The following EPS8 variants were observed in gnomAD, a reference collection of about 807,000 sequenced individuals.
EPS8 encodes the protein epidermal growth factor receptor kinase substrate 8.
A neutral mutation model predicts 103.8 loss-of-function variants in EPS8; 42 were observed. The observed-to-expected ratio is 0.40, with a 90% CI of 0.32 to 0.52. The LOEUF (loss-of-function observed/expected upper bound fraction) is 0.52. Ranked by LOEUF, EPS8 falls within the 20% of genes least tolerant of loss-of-function variation. The pLI, the probability that EPS8 is intolerant of heterozygous loss-of-function variation, is 0.40. For synonymous variants in EPS8, 344 were observed against 344.6 expected, an observed-to-expected ratio of 1.00 and a Z score of 0.02; for missense variants, 969 against 1,005.1, an observed-to-expected ratio of 0.96 and a Z score of 0.49.
Position 15,759,459 on chromosome 12 carries a change from C to T in EPS8, c.-22+29702G>A. The stretch of plus-strand genomic sequence containing the variant: ...AGATACTAGCACTGACAAATTAAAC[C>T]TTTATACACTAAAAAGTCTTCAGTC... On this transcript the variant is annotated intron_variant, in intron 1 of 20. Transcript: ENST00000281172. This position sits in a 1 kb window ranked among gnomAD's most constrained non-coding sequence, Gnocchi z 4.9. Among the ~76,000 whole-genome samples, 1 of 152,024 alleles carries T rather than the reference C, an allele frequency of 6.6e-6. No homozygotes were observed. The highest frequency in any genetic ancestry group is 2.1e-4 in the South Asian group (1 of 4,830).
rs527356078 is a variant in EPS8 at position 15,777,788 on chromosome 12, G to C, written c.-22+11373C>G. Among the ~76,000 whole-genome samples, 186 of 152,172 alleles carry C rather than the reference G, an allele frequency of 1.2e-3. No homozygotes were observed. Among genetic ancestry groups the C allele is most frequent in the Non-Finnish European group, 2.2e-3 (151 of 68,022 alleles). Reference sequence around the variant, plus strand: ...GGGAGGAGGAAAAGAGTTGGGAAAGGGGGTGATGAAGGAAAGCCCACATGG... The same window carrying C: ...GGGAGGAGGAAAAGAGTTGGGAAAGCGGGTGATGAAGGAAAGCCCACATGG... On this transcript the variant is annotated intron_variant, in intron 1 of 20. Coordinates refer to ENST00000281172, the MANE Select transcript of EPS8 (RefSeq NM_004447.6). This position sits in a 1 kb window ranked among gnomAD's most constrained non-coding sequence, Gnocchi z 4.7.
Position 15,736,128 on chromosome 12 carries a change from C to G in EPS8, c.-22+53033G>C, listed in dbSNP as rs536143458. Among the ~76,000 whole-genome samples the G allele has an allele frequency of 1.3e-5, 2 of 152,320 alleles. No individual in the cohort carries two copies. The highest frequency in any genetic ancestry group is 4.1e-4 in the South Asian group (2 of 4,830). ...TCTCAAACTCCTGAGCTCAAGCAAT[C>G]CTCCTGCCTCAGCCTGCTAAAGTGC... On this transcript the variant is annotated intron_variant, in intron 1 of 20. Coordinates refer to ENST00000281172, the MANE Select transcript of EPS8 (RefSeq NM_004447.6). This position sits in a 1 kb window ranked among gnomAD's most constrained non-coding sequence, Gnocchi z 4.2.
In EPS8 at chr12:15,651,021, G is replaced by A. The variant is rs1451401147; in HGVS notation, c.1251-15C>T. On this transcript the variant is annotated splice_polypyrimidine_tract_variant and intron_variant, in intron 13 of 20. Coordinates refer to ENST00000281172, the MANE Select transcript of EPS8 (RefSeq NM_004447.6). ...GCCACTCTGCTCTGCAGGAGGGAAT[G>A]AAGGCATATAAACAATAAAATCTAG... The A allele has an allele frequency of 6.2e-7, 1 of 1,606,020 alleles. No homozygotes were observed. The highest frequency in any genetic ancestry group is 1.1e-5 in the South Asian group (1 of 89,788).
At chr12:15,742,219 G>T (rs1036146706) in intron 1 of EPS8, among the ~76,000 whole-genome samples, 17 of 152,158 alleles carry the variant, frequency 1.1e-4, no homozygotes, top group Non-Finnish European at 2.4e-4. Context: ...AATCCTTTGG[G>T]TACATACCCA....
rs149392794 is a variant in EPS8, at chr12:15,666,461, T to A, written c.578A>T (p.Lys193Met). The part of the protein sequence containing the change: ...AISDSKGGKQ[K>M]RRPDALRMIS... ...TTACCTCAGGGCGTCGGGCCGCCTCTTCTGTTTCCCTCCTTTACTGTCACT... is the reference window on the plus strand; with the variant it reads ...TTACCTCAGGGCGTCGGGCCGCCTCATCTGTTTCCCTCCTTTACTGTCACT... The change falls in exon 7 of 21, where the codon AAG becomes ATG. Residue 193 changes from lysine (K) to methionine (M), a missense_variant. Coordinates refer to ENST00000281172, the MANE Select transcript of EPS8 (RefSeq NM_004447.6). 6.8e-6 allele frequency: 11 copies of A among 1,613,792 alleles called. No homozygotes were observed. Among genetic ancestry groups the A allele is most frequent in the African/African-American group, 4.0e-5 (3 of 74,950 alleles).
chr12:15,634,124 TGACTAACTGTTCTTGGTTGGCCTGA>T (rs1364196832), intron 17 of EPS8, among the ~76,000 whole-genome samples: 2 of 152,212 alleles, frequency 1.3e-5, no homozygotes, highest in Non-Finnish European at 2.9e-5. Flanking sequence ...AAAGAAATTC[TGACTAACTGTTCTTGGTTGGCCTGA>T]GACTTTCCCA....
intron 10 of EPS8, 123 bp from the exon 11 acceptor site, chr12:15,658,708 A>C (rs1945551240): frequency 8.8e-6 from 6 of 685,044 alleles, no homozygotes; most frequent in Non-Finnish European, 1.3e-5. Flanking sequence ...CTACCTAGTT[A>C]CCGTGCTACA....
intron 1 of EPS8, among the ~76,000 whole-genome samples, chr12:15,715,394 C>CTTTTTTTTTTTTTTTTTTTTTCTT (rs3086457): frequency 7.9e-6 from 1 of 127,184 alleles, no homozygotes; most frequent in Non-Finnish European, 1.6e-5. Flanking sequence ...CTTTACTTTT[C>CTTTTTTTTTTTTTTTTTTTTTCTT]TTTTTTTTTT....
intron 1 of EPS8, among the ~76,000 whole-genome samples, chr12:15,686,598 T>G (rs1946099289): frequency 6.6e-6 from 1 of 151,958 alleles, no homozygotes; most frequent in Non-Finnish European, 1.5e-5. Context: ...CACACTATAA[T>G]TTTCAAAAAG....
At chr12:15,651,151 C>T in intron 13 of EPS8, 145 bp from the exon 14 acceptor site, 1 of 568,192 alleles carries the variant, frequency 1.8e-6, no homozygotes, top group Non-Finnish European at 3.0e-6. Context: ...AATCTGTCTT[C>T]CATCCACCCA....
chr12:15,699,082 G>A (rs1946278848), intron 1 of EPS8, among the ~76,000 whole-genome samples: 2 of 152,140 alleles, frequency 1.3e-5, no homozygotes, highest in Non-Finnish European at 2.9e-5. Context: ...AAACCTTACA[G>A]AAAACTGCTC....
intron 1 of EPS8, among the ~76,000 whole-genome samples, chr12:15,774,283 A>G (rs549190499): frequency 1.3e-3 from 205 of 152,116 alleles, no homozygotes; most frequent in Middle Eastern, 3.4e-3. Flanking sequence ...CAGATTTGAT[A>G]AAACTGCAGA....
rs573360143 is a variant in EPS8, at chr12:15,728,522, C to A, written c.-21-45550G>T. On this transcript the variant is annotated intron_variant, in intron 1 of 20. Coordinates refer to ENST00000281172, the MANE Select transcript of EPS8 (RefSeq NM_004447.6). This position sits in a 1 kb window ranked among gnomAD's most constrained non-coding sequence, Gnocchi z 4.5. ...AGCAACAATAATAAGGAACACTCTC[C>A]CGGGTGCTGAGTCATTAATAGAATT... is the stretch of plus-strand genomic sequence containing the variant. 6.6e-6 allele frequency among the ~76,000 whole-genome samples: 1 copy of A among 152,142 alleles called. No homozygotes were observed. The highest frequency in any genetic ancestry group is 2.4e-5 in the African/African-American group (1 of 41,422).
chr12:15,712,231 A>G (rs1285607857), intron 1 of EPS8, among the ~76,000 whole-genome samples: 4 of 152,146 alleles, frequency 2.6e-5, no homozygotes, highest in Admixed American at 2.0e-4. Context: ...CCATTAATAT[A>G]CATGGGCTTT....
intron 17 of EPS8, among the ~76,000 whole-genome samples, chr12:15,640,413 C>T (rs1412821458): frequency 6.6e-6 from 1 of 152,072 alleles, no homozygotes; most frequent in Non-Finnish European, 1.5e-5. Context: ...GACAGAAATA[C>T]CATTTCTTCA....
At chr12:15,729,036 G>C (rs1022831367) in intron 1 of EPS8, among the ~76,000 whole-genome samples, 2 of 152,040 alleles carry the variant, frequency 1.3e-5, no homozygotes, top group Non-Finnish European at 2.9e-5. Context: ...AGTGATTTTT[G>C]TTTCTGTTTT....
At chr12:15,689,811 C>A (rs1946147784) in intron 1 of EPS8, among the ~76,000 whole-genome samples, 2 of 152,116 alleles carry the variant, frequency 1.3e-5, no homozygotes, top group South Asian at 4.1e-4. Flanking sequence ...TATACGCAGA[C>A]TCTAAAAAAG....
chr12:15,620,639 T>C lies in EPS8; in HGVS notation c.*678A>G, dbSNP rs1383108336. ...CTTTCTCATATATAAGAACACAGTA[T>C]ACATAATAAGCAGAATATAAACTAA... On this transcript the variant is annotated 3_prime_UTR_variant, in exon 21 of 21. Transcript: ENST00000281172. 6.6e-6 allele frequency: 1 copy of C among 152,630 alleles called. No individual in the cohort carries two copies. The highest frequency in any genetic ancestry group is 1.5e-5 in the Non-Finnish European group (1 of 68,046). 9.5% of individuals were successfully genotyped at this position (152,630 alleles called of 1,614,324 possible).
At chr12:15,765,348 C>T (rs1947082448) in intron 1 of EPS8, among the ~76,000 whole-genome samples, 1 of 152,052 alleles carries the variant, frequency 6.6e-6, no homozygotes, top group Non-Finnish European at 1.5e-5. Context: ...GTGCACAATT[C>T]CATACTTGTA....
Sources: gnomAD v4.1 joint callset for allele counts (sites outside exome capture counted in the v4.1 genomes callset) on GRCh38, gnomAD v4.1.1 for gene constraint, Gnocchi (gnomAD v3.1) non-coding constraint, MANE v1.5 for transcripts, NCBI Gene and HGNC (gene_info 2026-07-23, HGNC 2026-07-21) for gene names.